Variants in REC114 observed in about 807,000 individuals in gnomAD.
The protein encoded by REC114 is meiotic recombination protein REC114.
In REC114, 27 loss-of-function variants were observed where a neutral mutation model predicts 31.3. The ratio of observed to expected loss-of-function variants is 0.86; its 90% CI spans 0.64 to 1.19. The LOEUF (loss-of-function observed/expected upper bound fraction) is 1.19. REC114 is among the 50% of genes most tolerant of loss of function. The pLI, the probability that REC114 is intolerant of heterozygous loss-of-function variation, is 0.00. For missense variants in REC114, 344 were observed against 326.9 expected, an observed-to-expected ratio of 1.05 and a Z score of -0.40; for synonymous variants, 134 against 127.7, an observed-to-expected ratio of 1.05 and a Z score of -0.33.
At position 73,472,269 on chromosome 15, in the gene REC114, C is replaced by T. The variant is rs146583148; in HGVS notation, c.160-1563C>T. Reference sequence around the variant, plus strand: ...AAACACACAGGATAATTCATTTAAACTGTGACAAGAAGAGTGTTGTGCCAC... The same window carrying T: ...AAACACACAGGATAATTCATTTAAATTGTGACAAGAAGAGTGTTGTGCCAC... On this transcript the variant is annotated intron_variant, in intron 1 of 5. Transcript: ENST00000331090. Among the ~76,000 whole-genome samples the T allele has an allele frequency of 5.3e-5, 8 of 152,348 alleles. No homozygotes were observed. In the East Asian group the frequency reaches 1.5e-3, roughly 29 times the overall value.
chr15:73,524,428 G>A (rs1050066470), intron 2 of REC114, among the ~76,000 whole-genome samples: 1 of 152,114 alleles, frequency 6.6e-6, no homozygotes, highest in Admixed American at 6.5e-5. Flanking sequence ...TGCCCTAATT[G>A]AAGAGGATCA....
intron 1 of REC114, among the ~76,000 whole-genome samples, chr15:73,447,870 T>A (rs1168549496): frequency 6.6e-6 from 1 of 151,956 alleles, no homozygotes; most frequent in Non-Finnish European, 1.5e-5. Flanking sequence ...GGGCATCACC[T>A]CACCTGGGAA....
At chr15:73,474,004 C>T in intron 2 of REC114, 83 bp downstream of exon 2, 3 of 855,758 alleles carry the variant, frequency 3.5e-6, no homozygotes, top group Non-Finnish European at 5.6e-6. Context: ...CCTCAAGCTT[C>T]TTCAGTCTCA....
chr15:73,520,008 ATTAG>A (rs2141319462), intron 2 of REC114, among the ~76,000 whole-genome samples: 1 of 152,322 alleles, frequency 6.6e-6, no homozygotes, highest in African/African-American at 2.4e-5. Flanking sequence ...GGTATAGAAT[ATTAG>A]TTTTTTTTGC....
chr15:73,479,157 T>C (rs540311428), intron 2 of REC114, among the ~76,000 whole-genome samples: 1 of 151,804 alleles, frequency 6.6e-6, no homozygotes, highest in Non-Finnish European at 1.5e-5. Context: ...GGAAAGCATT[T>C]AGTCTTTTCA....
Position 73,559,924 on chromosome 15 carries a change from T to C in REC114, c.*8T>C. 6.3e-7 allele frequency: 1 copy of C among 1,585,700 alleles called. No homozygotes were observed. The highest frequency in any genetic ancestry group is 8.5e-7 in the Non-Finnish European group (1 of 1,171,678). On this transcript the variant is annotated 3_prime_UTR_variant, in exon 6 of 6. Transcript: ENST00000331090. ...GCGGGTTTGAGAAATTAATGCTCTA[T>C]ATACATATATAACTAAGGAACTTCA... is the stretch of plus-strand genomic sequence containing the variant.
At position 73,542,649 on chromosome 15, in the gene REC114, G is replaced by A. The variant is rs149694771; in HGVS notation, c.333+2081G>A. Among the ~76,000 whole-genome samples the A allele has an allele frequency of 4.4e-3, 675 of 152,264 alleles. 7 individuals are homozygous for A. Among genetic ancestry groups the A allele is most frequent in the African/African-American group, 0.016 (652 of 41,552 alleles). ...AACTGCAAAGATTAGGAAAATGAGC[G>A]TTTGACATTTCCAGCCCCTCTTGTG... On this transcript the variant is annotated intron_variant, in intron 3 of 5. Transcript: ENST00000331090.
chr15:73,523,838 A>G (rs1467759893), intron 2 of REC114, among the ~76,000 whole-genome samples: 1 of 152,150 alleles, frequency 6.6e-6, no homozygotes, highest in Admixed American at 6.6e-5. Flanking sequence ...ATTTAGGTCT[A>G]TGATTTATTT....
intron 2 of REC114, among the ~76,000 whole-genome samples, chr15:73,501,841 A>G (rs980363607): frequency 2.0e-5 from 3 of 152,256 alleles, no homozygotes; most frequent in Non-Finnish European, 2.9e-5. Flanking sequence ...TCAAATAATC[A>G]GAACAGATAC....
intron 2 of REC114, among the ~76,000 whole-genome samples, chr15:73,489,919 C>T (rs1893422095): frequency 6.6e-6 from 1 of 152,160 alleles, no homozygotes; most frequent in South Asian, 2.1e-4. Context: ...GGAGTGAGTA[C>T]ACTCAAACAC....
chr15:73,456,573 A>T (rs929888584), intron 1 of REC114, among the ~76,000 whole-genome samples: 1 of 152,098 alleles, frequency 6.6e-6, no homozygotes, highest in African/African-American at 2.4e-5. Flanking sequence ...TAAATGTTTG[A>T]ATGTATGGTG....
intron 2 of REC114, among the ~76,000 whole-genome samples, chr15:73,501,022 T>C (rs1454295706): frequency 6.6e-6 from 1 of 152,164 alleles, no homozygotes; most frequent in East Asian, 1.9e-4. Flanking sequence ...GGGACATGGC[T>C]CAAAGGCCTT....
chr15:73,447,157 G>A (rs1315250827), intron 1 of REC114, among the ~76,000 whole-genome samples: 2 of 152,136 alleles, frequency 1.3e-5, no homozygotes, highest in African/African-American at 4.8e-5. Flanking sequence ...GGAACAGTGA[G>A]GGAAAAATCC....
At chr15:73,443,449 A>G (rs779616557) in intron 1 of REC114, 105 bp downstream of exon 1, 4 of 1,311,760 alleles carry the variant, frequency 3.0e-6, no homozygotes, top group Non-Finnish European at 4.0e-6. Flanking sequence ...CCGAGGGGAC[A>G]CCGAGTGACT....
At chr15:73,557,818 G>C (rs11638829) in intron 5 of REC114, among the ~76,000 whole-genome samples, 2,135 of 152,280 alleles carry the variant, frequency 0.014, 28 homozygotes, top group East Asian at 0.054. Flanking sequence ...TTACTTACTT[G>C]CTCTTATCTT....
chr15:73,460,292 TAC>T (rs1567851118), intron 1 of REC114, among the ~76,000 whole-genome samples: 1 of 152,148 alleles, frequency 6.6e-6, no homozygotes, highest in Non-Finnish European at 1.5e-5. Context: ...TCTAAGAAGT[TAC>T]AGTTTAGAAT....
chr15:73,450,306 A>T (rs1892826018), intron 1 of REC114, among the ~76,000 whole-genome samples: 2 of 152,076 alleles, frequency 1.3e-5, no homozygotes, highest in Admixed American at 1.3e-4. Context: ...TACCAAGCAA[A>T]TGGAAAGAAA....
chr15:73,517,423 A>G lies in REC114; in HGVS notation c.250-23062A>G, dbSNP rs142700434. Among the ~76,000 whole-genome samples, 754 of 152,350 alleles carry G rather than the reference A, an allele frequency of 4.9e-3. 4 individuals are homozygous for G. The highest frequency in any genetic ancestry group is 0.017 in the African/African-American group (703 of 41,594). ...CCTACTTAGGAGGCTGTTTTAGTAA[A>G]TAAAGAAGATGACAGCTTGGACTAC... On this transcript the variant is annotated intron_variant, in intron 2 of 5. Coordinates refer to ENST00000331090, the MANE Select transcript of REC114 (RefSeq NM_001042367.2).
intron 4 of REC114, among the ~76,000 whole-genome samples, chr15:73,555,962 C>T (rs1894460775): frequency 6.6e-6 from 1 of 152,084 alleles, no homozygotes; most frequent in South Asian, 2.1e-4. Context: ...GTAACAGCAC[C>T]GGGCCCACCC....
Sources: allele counts gnomAD v4.1 joint callset (sites outside exome capture counted in the v4.1 genomes callset), GRCh38; gene constraint gnomAD v4.1.1; transcripts MANE v1.5; gene names NCBI Gene and HGNC (gene_info 2026-07-23, HGNC 2026-07-21).